Variants in PPP1R3F observed in about 807,000 individuals in gnomAD.
The protein encoded by PPP1R3F is protein phosphatase 1 regulatory subunit 3F, also known as protein phosphatase 1, regulatory (inhibitor) subunit 3F.
PPP1R3F carries 29 observed loss-of-function variants against 24.2 expected under a neutral mutation model. That is an observed-to-expected ratio of 1.20 (90% CI 0.89 to 1.63). The LOEUF (loss-of-function observed/expected upper bound fraction) is 1.63. Among genes scored for constraint, PPP1R3F ranks in the 40% most tolerant of loss-of-function variants. PPP1R3F has a pLI of 0.00. For synonymous variants in PPP1R3F, 363 were observed against 340.1 expected (o/e 1.07, Z -0.74); for missense variants, 823 against 729.3 (o/e 1.13, Z -1.48).
chrX:49,288,606 G>A (rs782638716), downstream of PPP1R3F, among the ~76,000 whole-genome samples: 23 of 111,798 alleles, frequency 2.1e-4, no homozygotes, highest in African/African-American at 7.5e-4. Flanking sequence ...TAGACAAATC[G>A]ACCAATAAAA....
intron 3 of PPP1R3F, among the ~76,000 whole-genome samples, chrX:49,294,937 G>A (rs1460082616): frequency 1.8e-4 from 18 of 102,723 alleles, no homozygotes; most frequent in African/African-American, 6.1e-4. Context: ...TATGATCTAA[G>A]CTGTAGGTTT....
At chrX:49,289,830 A>G (rs980982375), downstream of PPP1R3F, among the ~76,000 whole-genome samples, 2 of 111,649 alleles carry the variant, frequency 1.8e-5, no homozygotes, top group Non-Finnish European at 3.8e-5. Flanking sequence ...GCACTTTGGG[A>G]GGCTGAGGCA....
rs781792442 is a variant in PPP1R3F, at chrX:49,286,688, G to A, written c.1998G>A (p.Leu666=). The A allele has an allele frequency of 1.7e-6, 2 of 1,207,681 alleles. No homozygotes were observed. Among genetic ancestry groups the A allele is most frequent in the African/African-American group, 3.5e-5 (2 of 57,260 alleles). ...TGATAGCTGGGGTGACTGAGTCCCTGGGGGAGGCCGGGACAGAAGCCCAGA... is the reference window on the plus strand; with the variant it reads ...TGATAGCTGGGGTGACTGAGTCCCTAGGGGAGGCCGGGACAGAAGCCCAGA... ...NRVIAGVTES[L]GEAGTEAQIE... Residue 666 remains leucine (L), a synonymous_variant, in exon 4 of 4, where the codon CTG becomes CTA. Coordinates refer to ENST00000055335, the MANE Select transcript of PPP1R3F (RefSeq NM_033215.5).
intron 1 of PPP1R3F, among the ~76,000 whole-genome samples, chrX:49,278,707 C>T (rs1410763028): frequency 8.9e-6 from 1 of 112,627 alleles, no homozygotes; most frequent in African/African-American, 3.2e-5. Context: ...GAAAGCAGTT[C>T]TTGCAGCCAT....
intron 1 of PPP1R3F, among the ~76,000 whole-genome samples, chrX:49,276,014 G>A (rs782423005): frequency 7.1e-5 from 8 of 112,630 alleles, no homozygotes; most frequent in South Asian, 7.3e-4. Flanking sequence ...GTTTTCTGTA[G>A]AGTGAGGAAT....
intron 1 of PPP1R3F, among the ~76,000 whole-genome samples, chrX:49,272,709 A>G (rs1465397693): frequency 8.9e-6 from 1 of 112,637 alleles, no homozygotes; most frequent in Non-Finnish European, 1.9e-5. Context: ...GGTAACTGCA[A>G]AAGATAACTG....
In PPP1R3F at chrX:49,287,456, T is replaced by A. The variant is rs1312810783; in HGVS notation, c.*366T>A. On this transcript the variant is annotated 3_prime_UTR_variant, in exon 4 of 4. Coordinates refer to ENST00000055335, the MANE Select transcript of PPP1R3F (RefSeq NM_033215.5). ...GTGCAACCTGCTGGAGCTTTATTTT[T>A]AATTTAATTTATATAGAGTACCTAT... 12 of 175,651 alleles carry A rather than the reference T, an allele frequency of 6.8e-5. No homozygotes were observed. In the East Asian group the frequency reaches 1.6e-3, roughly 24 times the overall value. The allele number at this position is 175,651 out of a possible 1,213,427, so 14.5% of individuals were successfully genotyped here.
Position 49,286,713 on chromosome X carries a change from A to T in PPP1R3F, c.2023A>T (p.Ile675Leu). The T allele has an allele frequency of 8.3e-7, 1 of 1,208,743 alleles. No individual in the cohort carries two copies. The highest frequency in any genetic ancestry group is 1.1e-6 in the Non-Finnish European group (1 of 893,752). The change falls in exon 4 of 4, where the codon ATA becomes TTA. Residue 675 changes from isoleucine (I) to leucine (L), a missense_variant. Physicochemically the swap from Ile to Leu is conservative, Grantham distance 5. Transcript: ENST00000055335. ...GGGGGAGGCCGGGACAGAAGCCCAG[A>T]TAGAGGTCACCAGTGAGTGGGCAGG... ...SLGEAGTEAQ[I>L]EVTSEWAGSL...
chrX:49,289,301 T>C (rs1375711547), downstream of PPP1R3F, among the ~76,000 whole-genome samples: 2 of 111,695 alleles, frequency 1.8e-5, no homozygotes, highest in African/African-American at 3.3e-5. Context: ...GAAAACCTTA[T>C]GTAGTAGGTT....
At position 49,287,421 on chromosome X, in the gene PPP1R3F, C is replaced by T; in HGVS notation, c.*331C>T. ...AATTACCCAGAGATATATTTATTAA[C>T]AGCCAACCTGTGCAACCTGCTGGAG... On this transcript the variant is annotated 3_prime_UTR_variant, in exon 4 of 4. Coordinates refer to ENST00000055335, the MANE Select transcript of PPP1R3F (RefSeq NM_033215.5). The T allele has an allele frequency of 4.1e-6, 1 of 241,191 alleles. No individual in the cohort carries two copies. The highest frequency in any genetic ancestry group is 7.3e-6 in the Non-Finnish European group (1 of 136,113). The allele number at this position is 241,191 out of a possible 1,213,427, so 19.9% of individuals were successfully genotyped here.
chrX:49,285,975 T>C lies in PPP1R3F; in HGVS notation c.1285T>C (p.Ser429Pro), dbSNP rs1199721556. The change falls in exon 4 of 4, where the codon TCC (serine) becomes CCC (proline). Residue 429 changes from serine to proline, a missense_variant. By Grantham distance (74) the Ser-to-Pro change is moderately conservative. Coordinates refer to ENST00000055335, the MANE Select transcript of PPP1R3F (RefSeq NM_033215.5). ...CTCCCCTCTCTGTGGCCTGGGTGGCTCCCCCAGAGACCAGGCCTCAGGGCC... is the reference window on the plus strand; with the variant it reads ...CTCCCCTCTCTGTGGCCTGGGTGGCCCCCCCAGAGACCAGGCCTCAGGGCC... ...PSSPLCGLGG[S>P]PRDQASGPDA... 2 of 1,198,342 alleles carry C rather than the reference T, an allele frequency of 1.7e-6. No homozygotes were observed. Among genetic ancestry groups the C allele is most frequent in the East Asian group, 6.0e-5 (2 of 33,548 alleles).
rs1557118978 is a variant in PPP1R3F at position 49,270,602 on chromosome X, T to C, written c.733T>C (p.Phe245Leu). The C allele has an allele frequency of 8.3e-7, 1 of 1,204,445 alleles. No individual in the cohort carries two copies. Among genetic ancestry groups the C allele is most frequent in the Non-Finnish European group, 1.1e-6 (1 of 894,319 alleles). The change falls in exon 1 of 4, where the codon TTC becomes CTC. Residue 245 changes from phenylalanine (F) to leucine (L), a missense_variant. Transcript: ENST00000055335. ...CGGCGGCCGCACCGACCGCTTTGCC[T>C]TCCAGCTGCCCTTTGCTGAGGGCGC... The part of the protein sequence containing the change: ...DDGGRTDRFA[F>L]QLPFAEGAGD...
Position 49,286,365 on chromosome X carries a change from C to T in PPP1R3F, c.1675C>T (p.Arg559Trp), listed in dbSNP as rs140733599. The T allele has an allele frequency of 1.2e-5, 14 of 1,194,466 alleles. No homozygotes were observed. Among genetic ancestry groups the T allele is most frequent in the Middle Eastern group, 2.3e-4 (1 of 4,266 alleles). The change falls in exon 4 of 4, where the codon CGG (arginine) becomes TGG (tryptophan). Residue 559 changes from arginine to tryptophan, a missense_variant. By Grantham distance (101) the Arg-to-Trp change is moderately radical. Coordinates refer to ENST00000055335, the MANE Select transcript of PPP1R3F (RefSeq NM_033215.5). ...LAEEITLHYA[R>W]LGRGVELIKD... is the part of the protein sequence containing the mutation. ...TGAGGAGATCACGCTGCACTATGCC[C>T]GGCTGGGGCGTGGCGTGGAGCTCAT...
chrX:49,271,394 C>T, intron 1 of PPP1R3F, among the ~76,000 whole-genome samples: 1 of 111,792 alleles, frequency 8.9e-6, no homozygotes, highest in Non-Finnish European at 1.9e-5. Context: ...TAAACTAAGT[C>T]CTGGATGATG....
In PPP1R3F at chrX:49,269,940, C is replaced by T. The variant is rs2066160212; in HGVS notation, c.71C>T (p.Pro24Leu). The change falls in exon 1 of 4, where the codon CCC (proline) becomes CTC (leucine). Residue 24 changes from proline to leucine, a missense_variant. Physicochemically the swap from Pro to Leu is moderately conservative, Grantham distance 98. Coordinates refer to ENST00000055335, the MANE Select transcript of PPP1R3F (RefSeq NM_033215.5). ...SAPPSPAAGE[P>L]RTSVEAAVAP... ...CCCCCCTCGCCGGCCGCGGGTGAGC[C>T]CCGCACCTCGGTCGAGGCGGCGGTG... is the stretch of plus-strand genomic sequence containing the variant. 2.2e-6 allele frequency: 2 copies of T among 906,435 alleles called. No individual in the cohort carries two copies. Among genetic ancestry groups the T allele is most frequent in the Non-Finnish European group, 2.7e-6 (2 of 736,135 alleles). 74.7% of individuals were successfully genotyped at this position (906,435 alleles called of 1,213,427 possible). A position where few individuals can be genotyped will look rare whatever the true frequency, so the allele number is the denominator to read the frequency against.
intron 3 of PPP1R3F, among the ~76,000 whole-genome samples, chrX:49,298,538 C>G (rs1442659521): frequency 9.0e-6 from 1 of 111,640 alleles, no homozygotes; most frequent in Non-Finnish European, 1.9e-5. Context: ...CTCTGTATTT[C>G]CTGAATTTGA....
At position 49,270,275 on chromosome X, in the gene PPP1R3F, G is replaced by A; in HGVS notation, c.406G>A (p.Val136Met). ...TCTGGAGCGCTTGGGGCGCGTCATGGTGGAGCTGGAGGCGCTGCTGCCGCC... is the reference window on the plus strand; with the variant it reads ...TCTGGAGCGCTTGGGGCGCGTCATGATGGAGCTGGAGGCGCTGCTGCCGCC... ...GRLERLGRVMVELEALLPPPG... is the reference protein window; with the variant it reads ...GRLERLGRVMMELEALLPPPG... Residue 136 changes from valine to methionine, a missense_variant, in exon 1 of 4, where the codon GTG becomes ATG. Coordinates refer to ENST00000055335, the MANE Select transcript of PPP1R3F (RefSeq NM_033215.5). 2 of 1,104,503 alleles carry A rather than the reference G, an allele frequency of 1.8e-6. No individual in the cohort carries two copies. Among genetic ancestry groups the A allele is most frequent in the Non-Finnish European group, 2.3e-6 (2 of 851,322 alleles). 91.0% of individuals were successfully genotyped at this position (1,104,503 alleles called of 1,213,427 possible).
Position 49,286,241 on chromosome X carries a change from T to C in PPP1R3F, c.1551T>C (p.Asp517=). The change falls in exon 4 of 4, where the codon GAT becomes GAC. Residue 517 remains aspartate (D), a synonymous_variant. Transcript: ENST00000055335. ...GAGGGGEGST[D]GGMSPSHPLG... Reference sequence around the variant, plus strand: ...GGGGTGGTGGGGAGGGCTCCACAGATGGAGGGATGTCCCCCAGCCATCCCC... The same window carrying C: ...GGGGTGGTGGGGAGGGCTCCACAGACGGAGGGATGTCCCCCAGCCATCCCC... 8.3e-7 allele frequency: 1 copy of C among 1,209,803 alleles called. No individual in the cohort carries two copies. The highest frequency in any genetic ancestry group is 1.1e-6 in the Non-Finnish European group (1 of 894,764).
At chrX:49,299,762 C>A (rs1256154039) in intron 3 of PPP1R3F, among the ~76,000 whole-genome samples, 1 of 111,851 alleles carries the variant, frequency 8.9e-6, no homozygotes, top group Non-Finnish European at 1.9e-5. Flanking sequence ...TGCCAAGCGG[C>A]CGTGGGCTCT....
Sources: gnomAD v4.1 joint callset for allele counts (sites outside exome capture counted in the v4.1 genomes callset) on GRCh38, gnomAD v4.1.1 for gene constraint, MANE v1.5 for transcripts, NCBI Gene and HGNC (gene_info 2026-07-23, HGNC 2026-07-21) for gene names.